Variants in ZNF71 observed in about 807,000 individuals in gnomAD.
The protein encoded by ZNF71 is endothelial zinc finger protein induced by tumor necrosis factor alpha.
In ZNF71, 3 loss-of-function variants were observed where a neutral mutation model predicts 6.7. That is an observed-to-expected ratio of 0.45 (90% CI 0.20 to 1.16). The LOEUF is 1.16. Among genes scored for constraint, ZNF71 ranks in the 50% most tolerant of loss-of-function variants. ZNF71 has a pLI of 0.25. For synonymous variants in ZNF71, 343 were observed against 311.1 expected, an observed-to-expected ratio of 1.10 and a Z score of -1.08; for missense variants, 688 against 728.6, an observed-to-expected ratio of 0.94 and a Z score of 0.64.
intron 1 of ZNF71, among the ~76,000 whole-genome samples, chr19:56,597,288 A>G (rs968701616): frequency 3.9e-5 from 6 of 152,194 alleles, no homozygotes; most frequent in Non-Finnish European, 7.3e-5. Flanking sequence ...CAGGGGTGAA[A>G]GAGACCACTA....
chr19:56,622,874 A>T lies in ZNF71; in HGVS notation c.*117A>T, dbSNP rs2148023878. On this transcript the variant is annotated 3_prime_UTR_variant, in exon 4 of 4. Coordinates refer to ENST00000599599, the MANE Select transcript of ZNF71 (RefSeq NM_001370215.1). Reference sequence around the variant, plus strand: ...TGGGGTGGGGACTCGGGGTCAGGGGAGCTCAGGAATGTGGGGTTGTGGAGG... The same window carrying T: ...TGGGGTGGGGACTCGGGGTCAGGGGTGCTCAGGAATGTGGGGTTGTGGAGG... The T allele has an allele frequency of 1.5e-6, 2 of 1,369,422 alleles. No individual in the cohort carries two copies. The highest frequency in any genetic ancestry group is 5.0e-5 in the East Asian group (2 of 40,010). The allele number at this position is 1,369,422 out of a possible 1,614,324, so 84.8% of individuals were successfully genotyped here.
At chr19:56,604,993 C>G (rs749446069) in intron 2 of ZNF71, among the ~76,000 whole-genome samples, 6 of 152,308 alleles carry the variant, frequency 3.9e-5, no homozygotes, top group Middle Eastern at 6.8e-3. Flanking sequence ...TTTCTTGCCC[C>G]ATCAAAGGGT....
Position 56,622,137 on chromosome 19 carries a change from C to T in ZNF71, c.1030C>T (p.His344Tyr), listed in dbSNP as rs1369832490. ...ECGRAFSQNM[H>Y]LTEHQRTHTG... ...CGGGCGAGCCTTCAGCCAGAACATGCACCTGACCGAGCACCAGCGCACGCA... is the reference window on the plus strand; with the variant it reads ...CGGGCGAGCCTTCAGCCAGAACATGTACCTGACCGAGCACCAGCGCACGCA... Residue 344 changes from histidine to tyrosine, a missense_variant, in exon 4 of 4, where the codon CAC (histidine) becomes TAC (tyrosine). His to Tyr is a moderately conservative substitution (Grantham distance 83). Coordinates refer to ENST00000599599, the MANE Select transcript of ZNF71 (RefSeq NM_001370215.1). The T allele has an allele frequency of 1.9e-6, 3 of 1,607,132 alleles. No homozygotes were observed. The highest frequency in any genetic ancestry group is 2.5e-6 in the Non-Finnish European group (3 of 1,177,540).
intron 2 of ZNF71, among the ~76,000 whole-genome samples, chr19:56,606,288 A>G (rs1463179804): frequency 6.6e-6 from 1 of 152,056 alleles, no homozygotes; most frequent in Non-Finnish European, 1.5e-5. Flanking sequence ...GTGAAGTATC[A>G]CTCTGTGTGT....
Position 56,621,677 on chromosome 19 carries a change from C to G in ZNF71, c.570C>G (p.Tyr190Ter), listed in dbSNP as rs575206556. ...TGCCCTGCGAGGAGAAGAAAACCTA[C>G]GACTGCAGCGAGTGTGGCAAGGCCT... ...PPMPCEEKKT[Y>*]DCSECGKAFS... The change falls in exon 4 of 4, where the codon TAC (tyrosine) becomes TAG (stop). Residue 190 changes from tyrosine to a stop codon, truncating the protein, a stop_gained. Transcript: ENST00000599599. LOFTEE classifies it low-confidence loss of function (END_TRUNC). The G allele has an allele frequency of 6.2e-7, 1 of 1,614,152 alleles. No individual in the cohort carries two copies.
intron 3 of ZNF71, among the ~76,000 whole-genome samples, chr19:56,615,501 C>T (rs1185097758): frequency 1.3e-5 from 2 of 150,162 alleles, no homozygotes; most frequent in African/African-American, 2.4e-5. Flanking sequence ...TCTTTTCCTG[C>T]GCTTATTTGA....
Position 56,621,158 on chromosome 19 carries a change from C to T in ZNF71, c.161-110C>T, listed in dbSNP as rs1211594664. On this transcript the variant is annotated intron_variant, in intron 3 of 3. Coordinates refer to ENST00000599599, the MANE Select transcript of ZNF71 (RefSeq NM_001370215.1). ...TCTTCTTTGCTAACTCGCTCTGTGC[C>T]TTGGGCCTCATTGGGGTCGGTTTCA... 5.3e-6 allele frequency: 6 copies of T among 1,131,834 alleles called. No individual in the cohort carries two copies. In the African/African-American group the frequency reaches 6.2e-5, roughly 12 times the overall value. 70.1% of individuals were successfully genotyped at this position (1,131,834 alleles called of 1,614,324 possible). A position where few individuals can be genotyped will look rare whatever the true frequency, so the allele number is the denominator to read the frequency against.
At position 56,613,629 on chromosome 19, in the gene ZNF71, C is replaced by T. The variant is rs1368341736; in HGVS notation, c.34-183C>T. 3.9e-5 allele frequency among the ~76,000 whole-genome samples: 6 copies of T among 152,172 alleles called. No individual in the cohort carries two copies. The highest frequency in any genetic ancestry group is 2.1e-4 in the South Asian group (1 of 4,834). ...GGGATTTATTTCTCTATCAGAGTGCCAACCCAATATAACTAGACACAGAGA... is the reference window on the plus strand; with the variant it reads ...GGGATTTATTTCTCTATCAGAGTGCTAACCCAATATAACTAGACACAGAGA... On this transcript the variant is annotated intron_variant, in intron 2 of 3. Coordinates refer to ENST00000599599, the MANE Select transcript of ZNF71 (RefSeq NM_001370215.1). The surrounding 1 kb of genome is among the most constrained non-coding windows in gnomAD (Gnocchi z 4.6).
chr19:56,602,168 T>G (rs1409345050), intron 2 of ZNF71, among the ~76,000 whole-genome samples: 1 of 152,194 alleles, frequency 6.6e-6, no homozygotes. Context: ...CATAAAAGTG[T>G]TGTTCAGTGG....
rs2044763652 is a variant in ZNF71, at chr19:56,613,049, T to G, written c.34-763T>G. On this transcript the variant is annotated intron_variant, in intron 2 of 3. Transcript: ENST00000599599. This position sits in a 1 kb window ranked among gnomAD's most constrained non-coding sequence, Gnocchi z 4.6. The stretch of plus-strand genomic sequence containing the variant: ...ATAATGACTGGTGTTGCCTACCTCA[T>G]CATCACCATCCACACTGCTCCGCCA... Among the ~76,000 whole-genome samples the G allele has an allele frequency of 6.6e-6, 1 of 152,160 alleles. No individual in the cohort carries two copies. Among genetic ancestry groups the G allele is most frequent in the South Asian group, 2.1e-4 (1 of 4,824 alleles).
chr19:56,604,613 C>T (rs1485678345), intron 2 of ZNF71, among the ~76,000 whole-genome samples: 1 of 152,160 alleles, frequency 6.6e-6, no homozygotes, highest in East Asian at 1.9e-4. Flanking sequence ...AGACAGTTGT[C>T]CAAGGAAACA....
chr19:56,622,140 C>T lies in ZNF71; in HGVS notation c.1033C>T (p.Leu345=). ...CGRAFSQNMH[L]TEHQRTHTGE... ...GCGAGCCTTCAGCCAGAACATGCAC[C>T]TGACCGAGCACCAGCGCACGCACAC... The change falls in exon 4 of 4, where the codon CTG becomes TTG. Residue 345 remains leucine, a synonymous_variant. Transcript: ENST00000599599. 6.2e-7 allele frequency: 1 copy of T among 1,613,570 alleles called. No homozygotes were observed. The highest frequency in any genetic ancestry group is 8.5e-7 in the Non-Finnish European group (1 of 1,179,644).
intron 3 of ZNF71, among the ~76,000 whole-genome samples, chr19:56,615,707 C>T (rs1292446350): frequency 6.6e-6 from 1 of 152,102 alleles, no homozygotes; most frequent in Non-Finnish European, 1.5e-5. Flanking sequence ...TAGATATATG[C>T]CGTGCAAATA....
In ZNF71 at chr19:56,613,233, A is replaced by T. The variant is rs769337463; in HGVS notation, c.34-579A>T. Among the ~76,000 whole-genome samples the T allele has an allele frequency of 3.9e-5, 6 of 152,062 alleles. No homozygotes were observed. Among genetic ancestry groups the T allele is most frequent in the Non-Finnish European group, 8.8e-5 (6 of 68,006 alleles). On this transcript the variant is annotated intron_variant, in intron 2 of 3. Transcript: ENST00000599599. The surrounding 1 kb of genome is among the most constrained non-coding windows in gnomAD (Gnocchi z 4.6). Reference sequence around the variant, plus strand: ...AGAATCTCCCACTAAAGACCCAACCACCAGTTCTCTTCACAGACTACTCAA... The same window carrying T: ...AGAATCTCCCACTAAAGACCCAACCTCCAGTTCTCTTCACAGACTACTCAA...
chr19:56,601,678 CCCCAGT>C (rs1479088873), intron 2 of ZNF71, 87 bp downstream of exon 2: 2 of 868,838 alleles, frequency 2.3e-6, no homozygotes, highest in Non-Finnish European at 2.8e-6. Context: ...TCTCCAAGGC[CCCCAGT>C]CCCATCTTCT....
In ZNF71 at chr19:56,598,659, C is replaced by T. The variant is rs1407813200; in HGVS notation, c.-52-2848C>T. On this transcript the variant is annotated intron_variant, in intron 1 of 3. Coordinates refer to ENST00000599599, the MANE Select transcript of ZNF71 (RefSeq NM_001370215.1). This position sits in a 1 kb window ranked among gnomAD's most constrained non-coding sequence, Gnocchi z 4.2. The stretch of plus-strand genomic sequence containing the variant: ...GCATCGTACAGTGTGTAGCAGCATC[C>T]CCAGTCTCTACCAACTAAACGCCCA... Among the ~76,000 whole-genome samples, 3 of 152,134 alleles carry T rather than the reference C, an allele frequency of 2.0e-5. No individual in the cohort carries two copies. Among genetic ancestry groups the T allele is most frequent in the Non-Finnish European group, 2.9e-5 (2 of 68,036 alleles).
Position 56,622,590 on chromosome 19 carries a change from G to T in ZNF71, c.1483G>T (p.Glu495Ter), listed in dbSNP as rs1319449246. The change falls in exon 4 of 4, where the codon GAG becomes TAG. Residue 495 changes from glutamate (E) to a stop codon, truncating the protein, a stop_gained. Transcript: ENST00000599599. LOFTEE classifies it low-confidence loss of function (END_TRUNC). ...LIEHQRIHTGEKPYRCGQCGK... is the reference protein window; with the variant it reads ...LIEHQRIHTG Reference sequence around the variant, plus strand: ...CGAGCACCAGCGGATCCACACCGGCGAGAAGCCGTACAGGTGCGGCCAGTG... The same window carrying T: ...CGAGCACCAGCGGATCCACACCGGCTAGAAGCCGTACAGGTGCGGCCAGTG... The T allele has an allele frequency of 6.2e-7, 1 of 1,613,606 alleles. No individual in the cohort carries two copies. The highest frequency in any genetic ancestry group is 8.5e-7 in the Non-Finnish European group (1 of 1,179,658).
At position 56,598,505 on chromosome 19, in the gene ZNF71, T is replaced by C. The variant is rs184893002; in HGVS notation, c.-52-3002T>C. 5.7e-4 allele frequency among the ~76,000 whole-genome samples: 87 copies of C among 152,278 alleles called. 1 individual carries two copies. Among genetic ancestry groups the C allele is most frequent in the Non-Finnish European group, 6.5e-4 (44 of 68,030 alleles). ...CAGTTGGCCAGGTGTGGTGCCCGGG[T>C]ACAGGCATTAAGTGGTAGGAACCCC... On this transcript the variant is annotated intron_variant, in intron 1 of 3. Coordinates refer to ENST00000599599, the MANE Select transcript of ZNF71 (RefSeq NM_001370215.1). This position sits in a 1 kb window ranked among gnomAD's most constrained non-coding sequence, Gnocchi z 4.2.
intron 2 of ZNF71, among the ~76,000 whole-genome samples, chr19:56,605,019 T>C (rs1389751593): frequency 6.6e-6 from 1 of 152,212 alleles, no homozygotes. Flanking sequence ...ACCACTCAGC[T>C]CCAGCCTAGA....
Sources: allele counts gnomAD v4.1 joint callset (sites outside exome capture counted in the v4.1 genomes callset), GRCh38; gene constraint gnomAD v4.1.1; non-coding constraint Gnocchi (gnomAD v3.1); transcripts MANE v1.5; gene names NCBI Gene and HGNC (gene_info 2026-07-23, HGNC 2026-07-21).